The following ZDHHC11 variants were observed in gnomAD, a reference collection of about 807,000 sequenced individuals.
ZDHHC11 encodes palmitoyltransferase ZDHHC11.
In ZDHHC11, 44 loss-of-function variants were observed where a neutral mutation model predicts 51.3. The observed-to-expected ratio is 0.86, with a 90% CI of 0.67 to 1.10. ZDHHC11 has a LOEUF of 1.10. ZDHHC11 is among the 50% of genes least tolerant of loss of function. The pLI is 0.00. For missense variants in ZDHHC11, 400 were observed against 537.7 expected, an observed-to-expected ratio of 0.74 and a Z score of 2.53; for synonymous variants, 163 against 222.0, an observed-to-expected ratio of 0.73 and a Z score of 2.36.
chr5:841,462 A>ACCCCTT (rs1744944969), intron 4 of ZDHHC11: 1 of 977,104 alleles, frequency 1.0e-6, no homozygotes, highest in Admixed American at 6.5e-5. Flanking sequence ...CACAGTGCCC[A>ACCCCTT]CCCCTTCCTC....
At chr5:854,787 A>G (rs1442287972), upstream of ZDHHC11, among the ~76,000 whole-genome samples, 1 of 143,786 alleles carries the variant, frequency 7.0e-6, no homozygotes, top group Non-Finnish European at 1.5e-5. Context: ...CCCACGGAGG[A>G]CAGTGAGGAG....
At chr5:814,942 T>G in intron 10 of ZDHHC11, 147 bp from the exon 11 acceptor site, 1 of 821,952 alleles carries the variant, frequency 1.2e-6, no homozygotes. Context: ...ATCTCAGTGG[T>G]GACACAGCAC....
At chr5:838,570 C>T (rs1289929125) in intron 5 of ZDHHC11, among the ~76,000 whole-genome samples, 4 of 152,082 alleles carry the variant, frequency 2.6e-5, no homozygotes, top group African/African-American at 9.7e-5. Flanking sequence ...CCTGGACATC[C>T]TGGAGTCACT....
chr5:849,215 C>T (rs1447831991), intron 1 of ZDHHC11, among the ~76,000 whole-genome samples: 2 of 152,196 alleles, frequency 1.3e-5, no homozygotes, highest in East Asian at 3.9e-4. Context: ...AAGGCTGCCC[C>T]CGTGCCCCTT....
chr5:836,436 G>A (rs1236214618), intron 6 of ZDHHC11, among the ~76,000 whole-genome samples: 2 of 150,390 alleles, frequency 1.3e-5, no homozygotes, highest in African/African-American at 4.9e-5. Flanking sequence ...AGTGATCTCT[G>A]CCTGTGTTTC....
upstream of ZDHHC11, among the ~76,000 whole-genome samples, chr5:854,169 C>T (rs565090995): frequency 3.9e-4 from 55 of 139,816 alleles, no homozygotes; most frequent in African/African-American, 1.4e-3. Context: ...ACAGACCACA[C>T]AGAGGACAGC....
intron 1 of ZDHHC11, among the ~76,000 whole-genome samples, chr5:848,961 C>G (rs1407589995): frequency 1.3e-5 from 2 of 151,046 alleles, no homozygotes; most frequent in Non-Finnish European, 3.0e-5. Context: ...CCCTGCTCAC[C>G]CGAGCCCAGC....
intron 5 of ZDHHC11, among the ~76,000 whole-genome samples, chr5:838,011 C>T (rs1047580945): frequency 8.6e-5 from 13 of 151,872 alleles, no homozygotes; most frequent in African/African-American, 3.1e-4. Context: ...GCGGCCACCC[C>T]GAGGTGCTGG....
intron 5 of ZDHHC11, among the ~76,000 whole-genome samples, chr5:838,696 C>T (rs1180195242): frequency 1.3e-5 from 2 of 152,196 alleles, no homozygotes; most frequent in Non-Finnish European, 2.9e-5. Flanking sequence ...CTGGGCTTTG[C>T]GTTCAAGAAG....
intron 11 of ZDHHC11, among the ~76,000 whole-genome samples, chr5:813,286 C>T (rs1439855544): frequency 7.1e-6 from 1 of 141,682 alleles, no homozygotes; most frequent in Non-Finnish European, 1.5e-5. Flanking sequence ...TGAGATTGTG[C>T]CACTGCACTG....
At chr5:842,832 T>A (rs1348408400) in intron 4 of ZDHHC11, among the ~76,000 whole-genome samples, 2 of 151,376 alleles carry the variant, frequency 1.3e-5, no homozygotes, top group African/African-American at 4.9e-5. Context: ...CCAGCTCCTG[T>A]GGCTCCCGGC....
At chr5:859,538 CG>C (rs1748681179), upstream of ZDHHC11, among the ~76,000 whole-genome samples, 1 of 152,150 alleles carries the variant, frequency 6.6e-6, no homozygotes, top group Non-Finnish European at 1.5e-5. Flanking sequence ...TAGGAGGAAC[CG>C]GGGGAGGGAC....
At chr5:856,332 A>G (rs1486639832) in intron 1 of ZDHHC11, among the ~76,000 whole-genome samples, 2 of 151,428 alleles carry the variant, frequency 1.3e-5, no homozygotes, top group Non-Finnish European at 2.9e-5. Context: ...ACCACACGCC[A>G]CACACCACAC....
chr5:809,022 ATTTATT>A (rs1739732684), intron 11 of ZDHHC11, among the ~76,000 whole-genome samples: 1 of 98,232 alleles, frequency 1.0e-5, no homozygotes, highest in Non-Finnish European at 1.8e-5. Flanking sequence ...CACGCACACT[ATTTATT>A]CCCCACCTGT....
At chr5:804,320 A>T (rs1738930022) in intron 11 of ZDHHC11, among the ~76,000 whole-genome samples, 1 of 151,296 alleles carries the variant, frequency 6.6e-6, no homozygotes, top group Non-Finnish European at 1.5e-5. Context: ...CCATTAATGT[A>T]CAGGAAAAAA....
rs1291002372 is a variant in ZDHHC11 at position 843,875 on chromosome 5, GT to G, written c.504-152del. On this transcript the variant is annotated intron_variant, in intron 3 of 12. Transcript: ENST00000283441. ...ACAGCGGCAGGGGCATGCGGGGCAT[GT>G]GGGACAGGTGTGGGGGCGGGGAGGC... 1.2e-5 allele frequency: 7 copies of G among 571,334 alleles called. No individual in the cohort carries two copies. In the South Asian group the frequency reaches 2.0e-4, roughly 16 times the overall value. 35.4% of individuals were successfully genotyped at this position (571,334 alleles called of 1,614,324 possible). A position where few individuals can be genotyped will look rare whatever the true frequency, so the allele number is the denominator to read the frequency against.
intron 11 of ZDHHC11, among the ~76,000 whole-genome samples, chr5:813,442 G>A (rs28615782): frequency 0.26 from 31,939 of 124,712 alleles, 8,916 homozygotes; most frequent in African/African-American, 0.71. Flanking sequence ...GGAGGCATGC[G>A]GTGACCTCAG....
chr5:858,367 A>T (rs1748577389), intron 1 of ZDHHC11, among the ~76,000 whole-genome samples: 2 of 120,196 alleles, frequency 1.7e-5, no homozygotes, highest in South Asian at 5.6e-4. Flanking sequence ...TGTCTTTATG[A>T]CACCGTGGTC....
intron 12 of ZDHHC11, among the ~76,000 whole-genome samples, chr5:800,835 G>T (rs975057163): frequency 1.3e-5 from 2 of 151,248 alleles, no homozygotes; most frequent in Admixed American, 6.6e-5. Flanking sequence ...AGGCAAGTAT[G>T]GAAATGAGAG....
Sources: allele counts gnomAD v4.1 joint callset (sites outside exome capture counted in the v4.1 genomes callset), GRCh38; gene constraint gnomAD v4.1.1; transcripts MANE v1.5; gene names NCBI Gene and HGNC (gene_info 2026-07-23, HGNC 2026-07-21).